The following LRRC4C variants were observed in gnomAD, a reference collection of about 807,000 sequenced individuals.
LRRC4C encodes leucine-rich repeat-containing protein 4C.
A neutral mutation model predicts 33.6 loss-of-function variants in LRRC4C; 5 were observed. The ratio of observed to expected loss-of-function variants is 0.15; its 90% CI spans 0.08 to 0.31. The LOEUF is 0.31. Ranked by LOEUF, LRRC4C falls within the 10% of genes least tolerant of loss-of-function variation. LRRC4C has a pLI of 1.00. For missense variants in LRRC4C, 560 were observed against 796.7 expected (o/e 0.70, Z 3.58); for synonymous variants, 329 against 302.0 (o/e 1.09, Z -0.93).
chr11:41,139,859 G>A (rs1943427703), intron 1 of LRRC4C, among the ~76,000 whole-genome samples: 1 of 152,090 alleles, frequency 6.6e-6, no homozygotes, highest in Non-Finnish European at 1.5e-5. Context: ...GAGACGGTGT[G>A]GTGGTCTTTG....
At chr11:41,420,009 C>T (rs1362377155) in intron 1 of LRRC4C, among the ~76,000 whole-genome samples, 1 of 151,654 alleles carries the variant, frequency 6.6e-6, no homozygotes, top group Admixed American at 6.6e-5. Context: ...TCAGTAATAC[C>T]GCAGGCCTTC....
At chr11:40,465,622 C>G (rs1160565725) in intron 3 of LRRC4C, among the ~76,000 whole-genome samples, 1 of 151,838 alleles carries the variant, frequency 6.6e-6, no homozygotes, top group Non-Finnish European at 1.5e-5. Context: ...ATAACCCCAT[C>G]AAAAAGTGGG....
chr11:41,276,557 C>T (rs577730428), intron 1 of LRRC4C, among the ~76,000 whole-genome samples: 1 of 152,254 alleles, frequency 6.6e-6, no homozygotes, highest in African/African-American at 2.4e-5. Context: ...TGTATGATAG[C>T]TTTTGAAATC....
chr11:40,768,432 A>G (rs1456156354), intron 2 of LRRC4C, among the ~76,000 whole-genome samples: 1 of 152,098 alleles, frequency 6.6e-6, no homozygotes, highest in Non-Finnish European at 1.5e-5. Context: ...TCTAAATGAT[A>G]GAGGAGCAGG....
At chr11:40,964,733 G>T (rs1003574385) in intron 1 of LRRC4C, among the ~76,000 whole-genome samples, 1 of 151,810 alleles carries the variant, frequency 6.6e-6, no homozygotes, top group Admixed American at 6.6e-5. Flanking sequence ...GTATTCCATG[G>T]TGTATATGTG....
At chr11:40,181,054 T>C (rs1307173450) in intron 5 of LRRC4C, among the ~76,000 whole-genome samples, 1 of 152,184 alleles carries the variant, frequency 6.6e-6, no homozygotes, top group African/African-American at 2.4e-5. Flanking sequence ...CTTTGAGTAA[T>C]AGTTTAAGAT....
intron 3 of LRRC4C, among the ~76,000 whole-genome samples, chr11:40,582,884 A>G (rs1388711448): frequency 3.9e-5 from 6 of 152,114 alleles, no homozygotes; most frequent in Non-Finnish European, 8.8e-5. Context: ...ATATGTTTTG[A>G]TACATGCATA....
intron 1 of LRRC4C, among the ~76,000 whole-genome samples, chr11:41,318,116 T>C (rs556719053): frequency 4.5e-3 from 691 of 152,252 alleles, no homozygotes; most frequent in Non-Finnish European, 6.8e-3. Context: ...AAAAATCAAG[T>C]TATGAAACAA....
intron 3 of LRRC4C, among the ~76,000 whole-genome samples, chr11:40,383,670 A>T (rs902641801): frequency 5.3e-5 from 8 of 151,988 alleles, no homozygotes; most frequent in African/African-American, 1.9e-4. Flanking sequence ...TAGAAATGTT[A>T]TTCAGATCCT....
At chr11:40,239,906 C>T (rs1865817010) in intron 5 of LRRC4C, among the ~76,000 whole-genome samples, 1 of 152,176 alleles carries the variant, frequency 6.6e-6, no homozygotes, top group Admixed American at 6.6e-5. Flanking sequence ...TAAAACCTTC[C>T]TACACAAAGT....
intron 1 of LRRC4C, among the ~76,000 whole-genome samples, chr11:41,353,198 T>C (rs78479721): frequency 0.019 from 2,872 of 151,862 alleles, 83 homozygotes; most frequent in African/African-American, 0.065. Flanking sequence ...TACATTACCA[T>C]CGACCCCAGA....
At chr11:40,325,242 T>C (rs1946041134) in intron 3 of LRRC4C, among the ~76,000 whole-genome samples, 2 of 152,196 alleles carry the variant, frequency 1.3e-5, no homozygotes, top group South Asian at 4.1e-4. Flanking sequence ...AATGTTAAAA[T>C]GTGTTCAACT....
intron 2 of LRRC4C, among the ~76,000 whole-genome samples, chr11:40,797,851 A>G (rs1565074619): frequency 6.6e-6 from 1 of 152,210 alleles, no homozygotes; most frequent in Non-Finnish European, 1.5e-5. Context: ...CTGCATCTAT[A>G]CAAAGTATTA....
At chr11:41,270,151 C>T (rs1229722094) in intron 1 of LRRC4C, among the ~76,000 whole-genome samples, 1 of 151,960 alleles carries the variant, frequency 6.6e-6, no homozygotes, top group Non-Finnish European at 1.5e-5. Flanking sequence ...AATTCAATAA[C>T]TGAAAACTTT....
chr11:40,972,623 A>G (rs1851802834), intron 1 of LRRC4C, among the ~76,000 whole-genome samples: 1 of 152,134 alleles, frequency 6.6e-6, no homozygotes, highest in Non-Finnish European at 1.5e-5. Flanking sequence ...ACTTACAATT[A>G]CGGCAGAAGG....
rs535811246 is a variant in LRRC4C at position 41,277,500 on chromosome 11, C to T, written c.-496+181931G>A. 7.2e-5 allele frequency among the ~76,000 whole-genome samples: 11 copies of T among 152,222 alleles called. No homozygotes were observed. In the East Asian group the frequency reaches 1.2e-3, roughly 16 times the overall value. On this transcript the variant is annotated intron_variant, in intron 1 of 6. Transcript: ENST00000528697. ...TGTCAGAAGTAAGGATATGAGATTA[C>T]TCATCCCTGTATTTTGTCATTCCCA...
At chr11:40,463,660 T>C (rs932203051) in intron 3 of LRRC4C, among the ~76,000 whole-genome samples, 3 of 152,114 alleles carry the variant, frequency 2.0e-5, no homozygotes, top group Non-Finnish European at 2.9e-5. Context: ...ATATGCATTA[T>C]GTAATCTTAG....
chr11:40,240,399 A>G (rs1184422100), intron 5 of LRRC4C, among the ~76,000 whole-genome samples: 2 of 152,184 alleles, frequency 1.3e-5, no homozygotes, highest in African/African-American at 4.8e-5. Context: ...GCTTCCGTCT[A>G]TAGTCAACCA....
At chr11:40,643,829 A>G (rs1942270140) in intron 3 of LRRC4C, among the ~76,000 whole-genome samples, 2 of 152,180 alleles carry the variant, frequency 1.3e-5, no homozygotes, top group African/African-American at 4.8e-5. Context: ...TCCAACTGCC[A>G]TTAATTCTAC....
Sources: gnomAD v4.1 joint callset for allele counts (sites outside exome capture counted in the v4.1 genomes callset) on GRCh38, gnomAD v4.1.1 for gene constraint, MANE v1.5 for transcripts, NCBI Gene and HGNC (gene_info 2026-07-23, HGNC 2026-07-21) for gene names.